Variants in CPXM2 observed in about 807,000 individuals in gnomAD.
CPXM2 encodes inactive carboxypeptidase-like protein X2.
CPXM2 carries 66 observed loss-of-function variants against 86.1 expected under a neutral mutation model. That is an observed-to-expected ratio of 0.77 (90% CI 0.63 to 0.94). The LOEUF (loss-of-function observed/expected upper bound fraction) is 0.94. Among genes scored for constraint, CPXM2 ranks in the 40% least tolerant of loss-of-function variants. The pLI is 0.00. For synonymous variants in CPXM2, 388 were observed against 400.2 expected (o/e 0.97, Z 0.36); for missense variants, 948 against 1,026.3 (o/e 0.92, Z 1.04).
chr10:123,841,232 C>T (rs1188509466), intron 4 of CPXM2, among the ~76,000 whole-genome samples: 3 of 152,206 alleles, frequency 2.0e-5, no homozygotes, highest in Non-Finnish European at 2.9e-5. Flanking sequence ...GCGTGACCAC[C>T]GTCCACATGG....
rs1945166690 is a variant in CPXM2 at position 123,885,525 on chromosome 10, G to T, written c.305-5216C>A. ...TCCATACAAATCTGTGACATCAGGG[G>T]CTTAAATTAACATGTGAAGCTGTTT... On this transcript the variant is annotated intron_variant, in intron 1 of 13. Transcript: ENST00000241305. The surrounding 1 kb of genome is among the most constrained non-coding windows in gnomAD (Gnocchi z 4.0). 6.6e-6 allele frequency among the ~76,000 whole-genome samples: 1 copy of T among 152,198 alleles called. No homozygotes were observed.
chr10:123,836,986 C>A (rs559123481), intron 4 of CPXM2, among the ~76,000 whole-genome samples: 2 of 152,238 alleles, frequency 1.3e-5, no homozygotes, highest in Non-Finnish European at 2.9e-5. Context: ...AGCCACCCCC[C>A]ACTAACTTTC....
rs368533363 is a variant in CPXM2, at chr10:123,869,699, C to G, written c.404-6976G>C. Among the ~76,000 whole-genome samples, 180 of 152,306 alleles carry G rather than the reference C, an allele frequency of 1.2e-3. 1 individual carries two copies. Among genetic ancestry groups the G allele is most frequent in the South Asian group, 4.8e-3 (23 of 4,822 alleles). On this transcript the variant is annotated intron_variant, in intron 2 of 13. Transcript: ENST00000241305. ...ACCCCACGCACGTACTGCCTTAGCT[C>G]TGTCTCTTGCTAGCAGTCTCTGCAT...
chr10:123,938,496 C>T (rs945520280), intron 2 of CPXM2, among the ~76,000 whole-genome samples: 8 of 151,978 alleles, frequency 5.3e-5, no homozygotes, highest in Non-Finnish European at 1.2e-4. Flanking sequence ...TTGTCTCTTT[C>T]TTTTTACTAG....
chr10:123,937,723 G>A (rs1256851126), intron 2 of CPXM2, among the ~76,000 whole-genome samples: 2 of 151,938 alleles, frequency 1.3e-5, no homozygotes, highest in Admixed American at 6.6e-5. Context: ...CAAGATTTTT[G>A]AAAGAAAAAA....
upstream of CPXM2, among the ~76,000 whole-genome samples, chr10:123,893,895 C>T (rs1945312999): frequency 6.6e-6 from 1 of 152,240 alleles, no homozygotes; most frequent in African/African-American, 2.4e-5. Context: ...GGACGGTGCC[C>T]TGCACCACCT....
chr10:123,761,038 G>A (rs1294903396), intron 11 of CPXM2, among the ~76,000 whole-genome samples: 2 of 152,164 alleles, frequency 1.3e-5, no homozygotes, highest in Non-Finnish European at 2.9e-5. Context: ...GAAATGGGAC[G>A]TCCTCATCCC....
chr10:123,798,037 C>T lies in CPXM2; in HGVS notation c.828G>A (p.Gln276=). The T allele has an allele frequency of 6.2e-7, 1 of 1,611,678 alleles. No homozygotes were observed. The highest frequency in any genetic ancestry group is 1.1e-5 in the South Asian group (1 of 90,606). ...AGATGCTCCCATTATCAAACCAGGA[C>T]TGAGGGTTTATGCGGATGTAGCGGG... is the stretch of plus-strand genomic sequence containing the variant. ...MVARYIRINP[Q]SWFDNGSICM... Residue 276 remains glutamine (Q), a synonymous_variant, in exon 6 of 14, where the codon CAG becomes CAA. Coordinates refer to ENST00000241305, the MANE Select transcript of CPXM2 (RefSeq NM_198148.3).
At chr10:123,772,775 C>CCCTGGTTGTGGTTATCACCTT (rs1213749901) in intron 7 of CPXM2, among the ~76,000 whole-genome samples, 1 of 151,750 alleles carries the variant, frequency 6.6e-6, no homozygotes, top group Non-Finnish European at 1.5e-5. Flanking sequence ...GTTATCAGCT[C>CCCTGGTTGTGGTTATCACCTT]CCTGGTTGTG....
intron 1 of CPXM2, among the ~76,000 whole-genome samples, chr10:123,886,597 G>C (rs1011362895): frequency 6.6e-6 from 1 of 152,102 alleles, no homozygotes; most frequent in Non-Finnish European, 1.5e-5. Context: ...GCGATGATGT[G>C]GGTTTGTCCA....
intron 4 of CPXM2, among the ~76,000 whole-genome samples, chr10:123,799,731 C>T (rs1847412809): frequency 6.6e-6 from 1 of 152,148 alleles, no homozygotes; most frequent in African/African-American, 2.4e-5. Flanking sequence ...CTGTCACAGC[C>T]ACACAGACAA....
intron 10 of CPXM2, 123 bp downstream of exon 10, chr10:123,766,850 G>T: frequency 1.3e-6 from 1 of 744,388 alleles, no homozygotes; most frequent in Non-Finnish European, 2.3e-6. Flanking sequence ...CTCTGCTTTT[G>T]GAGAAAACAT....
At chr10:123,858,310 G>A (rs1241363261) in intron 3 of CPXM2, among the ~76,000 whole-genome samples, 2 of 152,184 alleles carry the variant, frequency 1.3e-5, no homozygotes, top group East Asian at 3.9e-4. Flanking sequence ...CAGACACCGC[G>A]CTCACACAGG....
At chr10:123,920,559 T>A (rs72631128) in intron 2 of CPXM2, among the ~76,000 whole-genome samples, 3,044 of 152,312 alleles carry the variant, frequency 0.02, 84 homozygotes, top group East Asian at 0.093. Flanking sequence ...ATAAAGTGTT[T>A]TTAGTGACTT....
intron 3 of CPXM2, chr10:123,843,268 C>G (rs1286668130): frequency 6.6e-6 from 3 of 455,592 alleles, no homozygotes; most frequent in East Asian, 1.4e-4. Flanking sequence ...TTCTTTTGAT[C>G]TGAATTTCCA....
At chr10:123,905,577 C>G (rs934633720) in intron 2 of CPXM2, among the ~76,000 whole-genome samples, 2 of 152,194 alleles carry the variant, frequency 1.3e-5, no homozygotes, top group African/African-American at 4.8e-5. Context: ...CGAGGGATGG[C>G]CCAACCCAGC....
chr10:123,799,896 A>G (rs1043779406), intron 4 of CPXM2, among the ~76,000 whole-genome samples: 4 of 152,166 alleles, frequency 2.6e-5, no homozygotes, highest in African/African-American at 7.2e-5. Flanking sequence ...AAAGCGACCT[A>G]CATCTTTTTT....
At chr10:123,824,727 T>C (rs1266940573) in intron 4 of CPXM2, among the ~76,000 whole-genome samples, 2 of 152,232 alleles carry the variant, frequency 1.3e-5, no homozygotes, top group South Asian at 2.1e-4. Flanking sequence ...TGGTTCTCTG[T>C]AGCAATAAGT....
chr10:123,913,920 A>T (rs1945512024), intron 2 of CPXM2: 32 of 451,718 alleles, frequency 7.1e-5, no homozygotes, highest in South Asian at 5.0e-4. Flanking sequence ...CCCACAGCCT[A>T]TGCAATACAT....
Sources: allele counts gnomAD v4.1 joint callset (sites outside exome capture counted in the v4.1 genomes callset), GRCh38; gene constraint gnomAD v4.1.1; non-coding constraint Gnocchi (gnomAD v3.1); transcripts MANE v1.5; gene names NCBI Gene and HGNC (gene_info 2026-07-23, HGNC 2026-07-21).